Variants in ABCB11 observed in about 807,000 individuals in gnomAD.
ABCB11 encodes ATP binding cassette subfamily B member 11.
In ABCB11, 95 loss-of-function variants were observed where a neutral mutation model predicts 148.0. The ratio of observed to expected loss-of-function variants is 0.64; its 90% CI spans 0.54 to 0.76. ABCB11 has a LOEUF of 0.76. Among genes scored for constraint, ABCB11 ranks in the 30% least tolerant of loss-of-function variants. The probability of loss-of-function intolerance (pLI) is 0.00; values close to 1 mark genes in which losing one functional copy is unlikely to be tolerated. For missense variants in ABCB11, 1,523 were observed against 1,617.8 expected (o/e 0.94, Z 1.01); for synonymous variants, 591 against 555.4 (o/e 1.06, Z -0.90).
Position 169,017,580 on chromosome 2 carries a change from A to C in ABCB11, c.76+470T>G, listed in dbSNP as rs185406702. ...CAAGTCTCAGTTTTGTCATCTGTAA[A>C]ATGTAAAATCATAGGGTTAGAAAAC... On this transcript the variant is annotated intron_variant, in intron 2 of 27. Transcript: ENST00000650372. 1.7e-4 allele frequency among the ~76,000 whole-genome samples: 26 copies of C among 152,274 alleles called. No individual in the cohort carries two copies. The East Asian group carries it at 4.8e-3, about 28-fold the overall frequency.
At chr2:168,979,231 A>G (rs1558904601) in intron 11 of ABCB11, among the ~76,000 whole-genome samples, 1 of 151,988 alleles carries the variant, frequency 6.6e-6, no homozygotes, top group Non-Finnish European at 1.5e-5. Context: ...TTAAATCAGC[A>G]GCCTTTTCCA....
Position 168,932,527 on chromosome 2 carries a change from GA to G in ABCB11, c.3062del (p.Ile1021ThrfsTer6). ...GLHFSYVFRV[I>X]SAVVLSATAL... Reference sequence around the variant, plus strand: ...CTGTTGCACTCAGTACAACTGCAGAGATCACCCTGTAACCAGACAGACACAC... The same window carrying G: ...CTGTTGCACTCAGTACAACTGCAGAGTCACCCTGTAACCAGACAGACACAC... On this transcript the variant is annotated frameshift_variant, in exon 24 of 28. Transcript: ENST00000650372. LOFTEE classifies it high-confidence loss of function. 1 of 1,613,374 alleles carries G rather than the reference GA, an allele frequency of 6.2e-7. No homozygotes were observed. Among genetic ancestry groups the G allele is most frequent in the Non-Finnish European group, 8.5e-7 (1 of 1,179,662 alleles).
At position 168,991,214 on chromosome 2, in the gene ABCB11, T is replaced by C. The variant is rs190704885; in HGVS notation, c.784-289A>G. Among the ~76,000 whole-genome samples the C allele has an allele frequency of 2.7e-3, 416 of 152,302 alleles. 1 individual carries two copies. Among genetic ancestry groups the C allele is most frequent in the Non-Finnish European group, 4.9e-3 (336 of 68,010 alleles). Reference sequence around the variant, plus strand: ...TAAGACTAAAGTGTTTCAGTCATTATACTAATAAAGTGTTAAGTTAGACCA... The same window carrying C: ...TAAGACTAAAGTGTTTCAGTCATTACACTAATAAAGTGTTAAGTTAGACCA... On this transcript the variant is annotated intron_variant, in intron 8 of 27. Transcript: ENST00000650372.
chr2:168,983,484 A>C (rs1300552309), intron 10 of ABCB11, among the ~76,000 whole-genome samples: 1 of 152,208 alleles, frequency 6.6e-6, no homozygotes, highest in Non-Finnish European at 1.5e-5. Context: ...CATCCATACT[A>C]TCTCTTTAAA....
intron 21 of ABCB11, among the ~76,000 whole-genome samples, chr2:168,938,079 C>T (rs571180004): frequency 6.6e-6 from 1 of 152,268 alleles, no homozygotes; most frequent in South Asian, 2.1e-4. Context: ...CTGTTAGTAA[C>T]CATTCGATGC....
At chr2:169,015,352 G>T (rs537308218) in intron 3 of ABCB11, among the ~76,000 whole-genome samples, 1 of 152,216 alleles carries the variant, frequency 6.6e-6, no homozygotes, top group African/African-American at 2.4e-5. Flanking sequence ...GTACTCAGCT[G>T]CCCTAAGCTT....
At chr2:169,012,919 G>T (rs901211500) in intron 5 of ABCB11, among the ~76,000 whole-genome samples, 1 of 151,894 alleles carries the variant, frequency 6.6e-6, no homozygotes, top group Non-Finnish European at 1.5e-5. Flanking sequence ...TGGTGGGGGG[G>T]AAAAATAGAA....
intron 5 of ABCB11, among the ~76,000 whole-genome samples, chr2:169,000,876 TTC>T (rs1238726992): frequency 3.3e-5 from 5 of 152,182 alleles, no homozygotes; most frequent in African/African-American, 1.2e-4. Context: ...TTTCTATTTG[TTC>T]TCTCTGTTAT....
At chr2:168,941,949 G>T (rs1479039353) in intron 21 of ABCB11, among the ~76,000 whole-genome samples, 1 of 152,058 alleles carries the variant, frequency 6.6e-6, no homozygotes, top group South Asian at 2.1e-4. Context: ...AGTGTGACAT[G>T]CTTTATTGCA....
chr2:168,915,765 T>C (rs559388739), intron 2 of ABCB11, among the ~76,000 whole-genome samples: 2 of 152,356 alleles, frequency 1.3e-5, no homozygotes, highest in South Asian at 2.1e-4. Flanking sequence ...ACAGCCTGCA[T>C]AGGGCCTTGT....
Position 168,921,773 on chromosome 2 carries a change from AC to A in ABCB11, c.*1848del, listed in dbSNP as rs1299004195. On this transcript the variant is annotated 3_prime_UTR_variant, in exon 28 of 28. Transcript: ENST00000650372. ...TGATCGAGTGGGTGCTTGTTGGTTG[AC>A]AGGTGGGCTTCATAGAAGGGTAATA... 2.6e-5 allele frequency among the ~76,000 whole-genome samples: 4 copies of A among 151,744 alleles called. No homozygotes were observed. The highest frequency in any genetic ancestry group is 9.7e-5 in the African/African-American group (4 of 41,302).
At chr2:169,020,479 A>G (rs1310150813) in intron 1 of ABCB11, among the ~76,000 whole-genome samples, 1 of 152,200 alleles carries the variant, frequency 6.6e-6, no homozygotes, top group Non-Finnish European at 1.5e-5. Flanking sequence ...AACTAAAAAA[A>G]GCATAACAAA....
intron 25 of ABCB11, among the ~76,000 whole-genome samples, chr2:168,927,669 G>C (rs1374739387): frequency 6.6e-6 from 1 of 152,062 alleles, no homozygotes; most frequent in Non-Finnish European, 1.5e-5. Context: ...CCCTTACTTT[G>C]GTGCAGCACA....
intron 23 of ABCB11, among the ~76,000 whole-genome samples, chr2:168,934,414 A>C (rs572093870): frequency 1.3e-5 from 2 of 152,208 alleles, no homozygotes; most frequent in African/African-American, 2.4e-5. Context: ...GCCCATATAC[A>C]TGTGTACCTC....
chr2:169,003,933 A>T (rs1694950479), intron 5 of ABCB11, among the ~76,000 whole-genome samples: 1 of 152,208 alleles, frequency 6.6e-6, no homozygotes, highest in African/African-American at 2.4e-5. Flanking sequence ...TGGATACAAA[A>T]TTCTTGGCTG....
At chr2:169,006,752 G>A (rs554116703) in intron 5 of ABCB11, among the ~76,000 whole-genome samples, 121 of 152,092 alleles carry the variant, frequency 8.0e-4, no homozygotes, top group African/African-American at 2.7e-3. Context: ...TGTATTTTGC[G>A]ATAGTAGCAA....
chr2:168,965,646 G>A (rs1326952517), intron 17 of ABCB11, among the ~76,000 whole-genome samples: 1 of 151,782 alleles, frequency 6.6e-6, no homozygotes, highest in Admixed American at 6.6e-5. Context: ...GCTGAAGACT[G>A]TGTTTTAGAA....
chr2:168,930,869 A>G lies in ABCB11; in HGVS notation c.3214-7T>C, dbSNP rs377593604. On this transcript the variant is annotated splice_region_variant and splice_polypyrimidine_tract_variant and intron_variant, in intron 24 of 27. Transcript: ENST00000650372. ...TCTTCCCCTGGAAGTTGTCCTGTGG[A>G]TGGGAGGATCAAAATTAGAGATGCT... The G allele has an allele frequency of 6.3e-7, 1 of 1,584,060 alleles. No homozygotes were observed. Among genetic ancestry groups the G allele is most frequent in the Non-Finnish European group, 8.6e-7 (1 of 1,165,516 alleles).
At chr2:168,991,179 G>A (rs1475677542) in intron 8 of ABCB11, among the ~76,000 whole-genome samples, 1 of 152,008 alleles carries the variant, frequency 6.6e-6, no homozygotes, top group Non-Finnish European at 1.5e-5. Context: ...ATTCCAAATA[G>A]GACATTCTGT....
Sources: allele counts gnomAD v4.1 joint callset (sites outside exome capture counted in the v4.1 genomes callset), GRCh38; gene constraint gnomAD v4.1.1; transcripts MANE v1.5; gene names NCBI Gene and HGNC (gene_info 2026-07-23, HGNC 2026-07-21).